RPS23: variants seen among roughly 807,000 people sequenced by gnomAD.
RPS23 encodes the protein small ribosomal subunit protein uS12.
For synonymous variants in RPS23, 66 were observed against 60.4 expected (o/e 1.09, Z -0.43); for missense variants, 73 against 174.5 (o/e 0.42, Z 3.28).
chr5:82,273,752 T>G lies in RPS23; in HGVS notation c.*2357A>C, dbSNP rs1747710160. On this transcript the variant is annotated 3_prime_UTR_variant, in exon 4 of 4. Transcript: ENST00000296674. Reference sequence around the variant, plus strand: ...GTCTCTCTCTTCCCTCAAGAGTGTATGACTTTGCTGCCCAGGATGATCTTG... The same window carrying G: ...GTCTCTCTCTTCCCTCAAGAGTGTAGGACTTTGCTGCCCAGGATGATCTTG... 1 of 152,194 alleles carries G rather than the reference T, an allele frequency of 6.6e-6. No individual in the cohort carries two copies. The highest frequency in any genetic ancestry group is 2.4e-5 in the African/African-American group (1 of 41,454). 9.4% of individuals were successfully genotyped at this position (152,194 alleles called of 1,614,324 possible).
chr5:82,276,005 G>T lies in RPS23; in HGVS notation c.*104C>A. 9.4e-7 allele frequency: 1 copy of T among 1,069,270 alleles called. No homozygotes were observed. The highest frequency in any genetic ancestry group is 1.4e-6 in the Non-Finnish European group (1 of 732,654). The allele number at this position is 1,069,270 out of a possible 1,614,324, so 66.2% of individuals were successfully genotyped here. Reference sequence around the variant, plus strand: ...GATAAAAAAAATAAGGGGGGGTGGTGGTGGTAATGAACATGATCTTCGTGG... The same window carrying T: ...GATAAAAAAAATAAGGGGGGGTGGTTGTGGTAATGAACATGATCTTCGTGG... On this transcript the variant is annotated 3_prime_UTR_variant, in exon 4 of 4. Coordinates refer to ENST00000296674, the MANE Select transcript of RPS23 (RefSeq NM_001025.5).
chr5:82,277,966 T>C lies in RPS23; in HGVS notation c.5-114A>G, dbSNP rs936215268. ...CCCTTAAGCCGATTGGCTCTCGTAC[T>C]ATTTATTGGCCTGTGGGCCAAACAT... On this transcript the variant is annotated intron_variant, in intron 1 of 3. Coordinates refer to ENST00000296674, the MANE Select transcript of RPS23 (RefSeq NM_001025.5). 3 of 972,660 alleles carry C rather than the reference T, an allele frequency of 3.1e-6. No individual in the cohort carries two copies. In the African/African-American group the frequency reaches 5.0e-5, roughly 16 times the overall value. 60.3% of individuals were successfully genotyped at this position (972,660 alleles called of 1,614,324 possible).
chr5:82,278,210 AT>A, intron 1 of RPS23, 109 bp downstream of exon 1: 1 of 603,392 alleles, frequency 1.7e-6, no homozygotes, highest in Non-Finnish European at 2.7e-6. Context: ...GCCCTCCCCC[AT>A]GGAGCCTCTC....
At chr5:82,277,445 C>G (rs1747894018) in intron 2 of RPS23, 1 of 508,788 alleles carries the variant, frequency 2.0e-6, no homozygotes, top group African/African-American at 1.9e-5. Flanking sequence ...GTGTCCTTTA[C>G]TTCATCATTG....
chr5:82,275,214 G>T lies in RPS23; in HGVS notation c.*895C>A. 1 of 702,540 alleles carries T rather than the reference G, an allele frequency of 1.4e-6. No homozygotes were observed. The highest frequency in any genetic ancestry group is 2.6e-6 in the Non-Finnish European group (1 of 384,988). 43.5% of individuals were successfully genotyped at this position (702,540 alleles called of 1,614,324 possible). A position where few individuals can be genotyped will look rare whatever the true frequency, so the allele number is the denominator to read the frequency against. On this transcript the variant is annotated 3_prime_UTR_variant, in exon 4 of 4. Coordinates refer to ENST00000296674, the MANE Select transcript of RPS23 (RefSeq NM_001025.5). ...GCTAATTAACCCATACTTACTATTTGTTAACAGGAGTTTCTTACATCAGAT... is the reference window on the plus strand; with the variant it reads ...GCTAATTAACCCATACTTACTATTTTTTAACAGGAGTTTCTTACATCAGAT...
At chr5:82,277,564 T>C in intron 2 of RPS23, 129 bp downstream of exon 2, 1 of 941,202 alleles carries the variant, frequency 1.1e-6, no homozygotes, top group South Asian at 1.4e-5. Flanking sequence ...CGCTTTGCAA[T>C]TTTACCCCAC....
chr5:82,276,001 T>C lies in RPS23; in HGVS notation c.*108A>G. 1.0e-6 allele frequency: 1 copy of C among 997,274 alleles called. No homozygotes were observed. 61.8% of individuals were successfully genotyped at this position (997,274 alleles called of 1,614,324 possible). A position where few individuals can be genotyped will look rare whatever the true frequency, so the allele number is the denominator to read the frequency against. On this transcript the variant is annotated 3_prime_UTR_variant, in exon 4 of 4. Coordinates refer to ENST00000296674, the MANE Select transcript of RPS23 (RefSeq NM_001025.5). ...TTAGGATAAAAAAAATAAGGGGGGG[T>C]GGTGGTGGTAATGAACATGATCTTC...
Position 82,275,604 on chromosome 5 carries a change from G to A in RPS23, c.*505C>T, listed in dbSNP as rs924795914. ...ACCTTTAAATAATAAACAGAGTGGGGAGCAATTTTGAGTTTACTATTTATC... is the reference window on the plus strand; with the variant it reads ...ACCTTTAAATAATAAACAGAGTGGGAAGCAATTTTGAGTTTACTATTTATC... On this transcript the variant is annotated 3_prime_UTR_variant, in exon 4 of 4. Coordinates refer to ENST00000296674, the MANE Select transcript of RPS23 (RefSeq NM_001025.5). The A allele has an allele frequency of 1.9e-5, 7 of 373,824 alleles. No homozygotes were observed. In the South Asian group the frequency reaches 3.5e-4, roughly 18 times the overall value. The allele number at this position is 373,824 out of a possible 1,614,324, so 23.2% of individuals were successfully genotyped here.
chr5:82,278,129 C>A, intron 1 of RPS23, 191 bp downstream of exon 1: 1 of 754,690 alleles, frequency 1.3e-6, no homozygotes, highest in Non-Finnish European at 2.1e-6. Flanking sequence ...GTACCCCGAC[C>A]TCGGCGGCCT....
In RPS23 at chr5:82,273,557, A is replaced by T. The variant is rs751919244; in HGVS notation, c.*2552T>A. ...TTTATACAATGCTTGGAATCTACGGATAACATCAGGTTCTAAGTCGTAAGT... is the reference window on the plus strand; with the variant it reads ...TTTATACAATGCTTGGAATCTACGGTTAACATCAGGTTCTAAGTCGTAAGT... On this transcript the variant is annotated 3_prime_UTR_variant, in exon 4 of 4. Transcript: ENST00000296674. 7 of 149,164 alleles carry T rather than the reference A, an allele frequency of 4.7e-5. 1 individual carries two copies. Among genetic ancestry groups the T allele is most frequent in the Non-Finnish European group, 1.0e-4 (7 of 68,030 alleles). 9.2% of individuals were successfully genotyped at this position (149,164 alleles called of 1,614,324 possible). A position where few individuals can be genotyped will look rare whatever the true frequency, so the allele number is the denominator to read the frequency against.
In RPS23 at chr5:82,276,604, G is replaced by A. The variant is rs983816958; in HGVS notation, c.165-86C>T. The A allele has an allele frequency of 3.3e-6, 5 of 1,526,458 alleles. No individual in the cohort carries two copies. In the African/African-American group the frequency reaches 5.5e-5, roughly 17 times the overall value. The allele number at this position is 1,526,458 out of a possible 1,614,324, so 94.6% of individuals were successfully genotyped here. On this transcript the variant is annotated intron_variant, in intron 2 of 3. Transcript: ENST00000296674. ...TTAACTAGAGAACTAATGAGAAACT[G>A]TTTCTATCTTTTCAATCTAACCTCA...
In RPS23 at chr5:82,275,550, T is replaced by C. The variant is rs1747754811; in HGVS notation, c.*559A>G. 2 of 545,860 alleles carry C rather than the reference T, an allele frequency of 3.7e-6. No homozygotes were observed. Among genetic ancestry groups the C allele is most frequent in the Non-Finnish European group, 6.5e-6 (2 of 306,442 alleles). The allele number at this position is 545,860 out of a possible 1,614,324, so 33.8% of individuals were successfully genotyped here. On this transcript the variant is annotated 3_prime_UTR_variant, in exon 4 of 4. Coordinates refer to ENST00000296674, the MANE Select transcript of RPS23 (RefSeq NM_001025.5). ...GCCTGTATTCTCCTAAACACATTAATGTAGACACATTACAACACAGATCCT... is the reference window on the plus strand; with the variant it reads ...GCCTGTATTCTCCTAAACACATTAACGTAGACACATTACAACACAGATCCT...
At position 82,275,473 on chromosome 5, in the gene RPS23, A is replaced by G; in HGVS notation, c.*636T>C. 5 of 618,726 alleles carry G rather than the reference A, an allele frequency of 8.1e-6. No homozygotes were observed. The South Asian group carries it at 9.7e-5, about 12-fold the overall frequency. The allele number at this position is 618,726 out of a possible 1,614,324, so 38.3% of individuals were successfully genotyped here. On this transcript the variant is annotated 3_prime_UTR_variant, in exon 4 of 4. Coordinates refer to ENST00000296674, the MANE Select transcript of RPS23 (RefSeq NM_001025.5). ...ATACTGAAAACATCAGTCTTGTCGTATACCTTATCTCCCTTGCCTGGCATA... is the reference window on the plus strand; with the variant it reads ...ATACTGAAAACATCAGTCTTGTCGTGTACCTTATCTCCCTTGCCTGGCATA...
In RPS23 at chr5:82,273,999, G is replaced by A. The variant is rs956535189; in HGVS notation, c.*2110C>T. On this transcript the variant is annotated 3_prime_UTR_variant, in exon 4 of 4. Coordinates refer to ENST00000296674, the MANE Select transcript of RPS23 (RefSeq NM_001025.5). ...TACGCCTAGGTTGTAAAGATAGTCT[G>A]TTTTCAGTTTTATAGCTTTCCATTT... 1.3e-5 allele frequency: 2 copies of A among 152,140 alleles called. No homozygotes were observed. The highest frequency in any genetic ancestry group is 2.9e-5 in the Non-Finnish European group (2 of 68,022). The allele number at this position is 152,140 out of a possible 1,614,324, so 9.4% of individuals were successfully genotyped here. A position where few individuals can be genotyped will look rare whatever the true frequency, so the allele number is the denominator to read the frequency against.
At position 82,275,941 on chromosome 5, in the gene RPS23, C is replaced by G; in HGVS notation, c.*168G>C. On this transcript the variant is annotated 3_prime_UTR_variant, in exon 4 of 4. Coordinates refer to ENST00000296674, the MANE Select transcript of RPS23 (RefSeq NM_001025.5). ...TCCTGAAACAACCCTGTCTTATTGT[C>G]TCCTAAAATTGGTACAGGTCCTGCG... is the stretch of plus-strand genomic sequence containing the variant. 1 of 621,090 alleles carries G rather than the reference C, an allele frequency of 1.6e-6. No homozygotes were observed. Among genetic ancestry groups the G allele is most frequent in the South Asian group, 2.2e-5 (1 of 45,690 alleles). 38.5% of individuals were successfully genotyped at this position (621,090 alleles called of 1,614,324 possible).
At chr5:82,277,900 T>G in intron 1 of RPS23, 48 bp from the exon 2 acceptor site, 1 of 1,541,864 alleles carries the variant, frequency 6.5e-7, no homozygotes, top group Non-Finnish European at 8.9e-7. Flanking sequence ...GCCATCTACG[T>G]GTTTCCCATC....
rs1343018668 is a variant in RPS23 at position 82,277,686 on chromosome 5, G to T, written c.164+7C>A. ...AAACTAAAACTTGACGGGAGCAATG[G>T]ACTTACACTTTTTCCAGCACGATTC... is the stretch of plus-strand genomic sequence containing the variant. On this transcript the variant is annotated splice_region_variant and intron_variant, in intron 2 of 3. Transcript: ENST00000296674. 1 of 1,613,494 alleles carries T rather than the reference G, an allele frequency of 6.2e-7. No homozygotes were observed. Among genetic ancestry groups the T allele is most frequent in the Admixed American group, 1.7e-5 (1 of 60,024 alleles).
chr5:82,277,030 CA>C (rs1235860818), intron 2 of RPS23, among the ~76,000 whole-genome samples: 1 of 151,446 alleles, frequency 6.6e-6, no homozygotes, highest in African/African-American at 2.4e-5. Context: ...ACTGAAAATA[CA>C]AAATATTAGC....
intron 1 of RPS23, chr5:82,278,059 CG>C (rs762932604): frequency 9.1e-6 from 6 of 658,874 alleles, no homozygotes; most frequent in East Asian, 5.5e-5. Flanking sequence ...TGTGTTCTCC[CG>C]AAGGACGAGG....
Sources: gnomAD v4.1 joint callset for allele counts (sites outside exome capture counted in the v4.1 genomes callset) on GRCh38, gnomAD v4.1.1 for gene constraint, MANE v1.5 for transcripts, NCBI Gene and HGNC (gene_info 2026-07-23, HGNC 2026-07-21) for gene names.